Variants in CACNA1I observed in about 807,000 individuals in gnomAD.
The protein encoded by CACNA1I is voltage-dependent T-type calcium channel subunit alpha-1I.
Under a neutral mutation model 201.6 loss-of-function variants are expected in CACNA1I, and 74 were observed. That is an observed-to-expected ratio of 0.37 (90% CI 0.30 to 0.45). CACNA1I has a LOEUF of 0.45. Ranked by LOEUF, CACNA1I falls within the 20% of genes least tolerant of loss-of-function variation. CACNA1I has a pLI of 1.00. For missense variants in CACNA1I, 2,346 were observed against 3,138.1 expected (o/e 0.75, Z 6.03); for synonymous variants, 1,431 against 1,345.2 (o/e 1.06, Z -1.40).
At chr22:39,632,204 C>T (rs1934082458) in intron 4 of CACNA1I, among the ~76,000 whole-genome samples, 1 of 152,178 alleles carries the variant, frequency 6.6e-6, no homozygotes. Flanking sequence ...GCTGCCTTCT[C>T]CAGGCCCTTC....
chr22:39,573,982 T>C (rs1410807189), intron 1 of CACNA1I, among the ~76,000 whole-genome samples: 2 of 152,110 alleles, frequency 1.3e-5, no homozygotes, highest in Non-Finnish European at 2.9e-5. Context: ...GGCATCCCCA[T>C]GGCCAGGGCT....
chr22:39,607,644 A>C (rs1569059648), intron 3 of CACNA1I, among the ~76,000 whole-genome samples: 4 of 152,232 alleles, frequency 2.6e-5, no homozygotes. Flanking sequence ...AATAATTTTC[A>C]TGACAGGTAG....
intron 26 of CACNA1I, 93 bp from the exon 27 acceptor site, chr22:39,672,105 AT>A: frequency 2.7e-6 from 2 of 739,918 alleles, no homozygotes; most frequent in Non-Finnish European, 4.8e-6. Flanking sequence ...AATGGACTAA[AT>A]TCTCTCCTTA....
In CACNA1I at chr22:39,570,930, T is replaced by C; in HGVS notation, c.178T>C (p.Phe60Leu). The C allele has an allele frequency of 6.2e-7, 1 of 1,613,822 alleles. No homozygotes were observed. Among genetic ancestry groups the C allele is most frequent in the Non-Finnish European group, 8.5e-7 (1 of 1,179,870 alleles). Residue 60 changes from phenylalanine (F) to leucine (L), a missense_variant, in exon 1 of 37, where the codon TTC becomes CTC. Around this residue, in one of 13 missense-constraint regions of CACNA1I, gnomAD observed 130 missense variants for 160.7 expected, o/e 0.81. Transcript: ENST00000402142. Reference sequence around the variant, plus strand: ...CCCAGACCTGGCGCCTATTGCCTTCTTCTGCCTGCGACAGACCACCAGCCC... The same window carrying C: ...CCCAGACCTGGCGCCTATTGCCTTCCTCTGCCTGCGACAGACCACCAGCCC... ...PHPDLAPIAF[F>L]CLRQTTSPRN... is the part of the protein sequence containing the mutation.
Position 39,676,511 on chromosome 22 carries a change from C to T in CACNA1I, c.4855-830C>T, listed in dbSNP as rs1935517731. Among the ~76,000 whole-genome samples, 2 of 152,204 alleles carry T rather than the reference C, an allele frequency of 1.3e-5. No homozygotes were observed. The highest frequency in any genetic ancestry group is 2.9e-5 in the Non-Finnish European group (2 of 68,032). On this transcript the variant is annotated intron_variant, in intron 29 of 36. Transcript: ENST00000402142. The surrounding 1 kb of genome is among the most constrained non-coding windows in gnomAD (Gnocchi z 4.8). Reference sequence around the variant, plus strand: ...TTCTAGGGCAAGAATGTGTTTTAGCCTTATCTTATCCATAGCATGAGTTAA... The same window carrying T: ...TTCTAGGGCAAGAATGTGTTTTAGCTTTATCTTATCCATAGCATGAGTTAA...
chr22:39,665,302 T>A lies in CACNA1I; in HGVS notation c.3852-196T>A, dbSNP rs1270909988. On this transcript the variant is annotated intron_variant, in intron 21 of 36. Transcript: ENST00000402142. The surrounding 1 kb of genome is among the most constrained non-coding windows in gnomAD (Gnocchi z 5.5). The stretch of plus-strand genomic sequence containing the variant: ...GGCCTGGGTGCAGCTTGCCTCCTGC[T>A]CTGCCCGTGTCTGGGCTGCCTGGCC... Among the ~76,000 whole-genome samples the A allele has an allele frequency of 2.6e-5, 4 of 152,130 alleles. No individual in the cohort carries two copies. The highest frequency in any genetic ancestry group is 9.7e-5 in the African/African-American group (4 of 41,422).
chr22:39,616,370 C>T (rs1329850070), intron 3 of CACNA1I, among the ~76,000 whole-genome samples: 2 of 152,080 alleles, frequency 1.3e-5, no homozygotes, highest in Non-Finnish European at 2.9e-5. Context: ...CATCGTGGGC[C>T]CCCCCTTTGA....
At position 39,664,849 on chromosome 22, in the gene CACNA1I, G is replaced by A; in HGVS notation, c.3777G>A (p.Leu1259=). 3 of 1,613,142 alleles carry A rather than the reference G, an allele frequency of 1.9e-6. No individual in the cohort carries two copies. Among genetic ancestry groups the A allele is most frequent in the Non-Finnish European group, 2.5e-6 (3 of 1,179,804 alleles). The part of the protein sequence containing the change: ...FVSIIDIVVS[L]ASAGGAKILG... ...CCATCATCGACATCGTGGTGTCCCTGGCCTCAGCCGGGGGAGCCAAGATCT... is the reference window on the plus strand; with the variant it reads ...CCATCATCGACATCGTGGTGTCCCTAGCCTCAGCCGGGGGAGCCAAGATCT... Residue 1259 remains leucine, a synonymous_variant, in exon 21 of 37, where the codon CTG becomes CTA. Transcript: ENST00000402142.
intron 8 of CACNA1I, among the ~76,000 whole-genome samples, chr22:39,647,496 C>T (rs958936187): frequency 6.6e-6 from 1 of 152,242 alleles, no homozygotes; most frequent in African/African-American, 2.4e-5. Context: ...ACTGCAACCT[C>T]AAACTCCTAG....
chr22:39,587,117 T>C (rs1436347196), intron 1 of CACNA1I, among the ~76,000 whole-genome samples: 1 of 152,198 alleles, frequency 6.6e-6, no homozygotes, highest in Non-Finnish European at 1.5e-5. Flanking sequence ...AGCCTCTGTT[T>C]CCTGCCATTG....
At chr22:39,630,119 C>T (rs1460599477) in intron 4 of CACNA1I, among the ~76,000 whole-genome samples, 1 of 152,092 alleles carries the variant, frequency 6.6e-6, no homozygotes, top group African/African-American at 2.4e-5. Flanking sequence ...GAGGGCTGTC[C>T]CCCAGACAGC....
chr22:39,603,016 G>A (rs1420083221), intron 3 of CACNA1I, among the ~76,000 whole-genome samples: 2 of 152,126 alleles, frequency 1.3e-5, no homozygotes, highest in African/African-American at 2.4e-5. Context: ...CCAGGTGTTT[G>A]TGGTGCACTC....
rs994208630 is a variant in CACNA1I at position 39,662,210 on chromosome 22, C to G, written c.3147C>G (p.Arg1049=). The change falls in exon 17 of 37, where the codon CGC becomes CGG. Residue 1049 remains arginine (R), a synonymous_variant. Transcript: ENST00000402142. ...HIHHGPHLAH[R]HRHHRRTLSL... Reference sequence around the variant, plus strand: ...ATCACGGGCCCCATCTGGCGCACCGCCACCGCCACCACCGCCGGACGCTGT... The same window carrying G: ...ATCACGGGCCCCATCTGGCGCACCGGCACCGCCACCACCGCCGGACGCTGT... The G allele has an allele frequency of 1.8e-5, 28 of 1,528,028 alleles. No individual in the cohort carries two copies. Among genetic ancestry groups the G allele is most frequent in the Non-Finnish European group, 2.3e-5 (26 of 1,141,366 alleles). 94.7% of individuals were successfully genotyped at this position (1,528,028 alleles called of 1,614,324 possible).
At chr22:39,596,581 G>A (rs1307674231) in intron 1 of CACNA1I, among the ~76,000 whole-genome samples, 1 of 151,666 alleles carries the variant, frequency 6.6e-6, no homozygotes, top group African/African-American at 2.4e-5. Context: ...GTCAGAGTGG[G>A]GCCCTGCAGG....
intron 1 of CACNA1I, among the ~76,000 whole-genome samples, chr22:39,589,275 C>T (rs751825979): frequency 3.9e-5 from 6 of 152,150 alleles, no homozygotes; most frequent in Non-Finnish European, 5.9e-5. Flanking sequence ...TGTTCTGGGA[C>T]GTGGCTTTTT....
intron 3 of CACNA1I, among the ~76,000 whole-genome samples, chr22:39,603,562 C>CT (rs1330288302): frequency 6.6e-6 from 1 of 151,988 alleles, no homozygotes; most frequent in Non-Finnish European, 1.5e-5. Context: ...TTATGGATGC[C>CT]TGCTCTTGTT....
intron 4 of CACNA1I, among the ~76,000 whole-genome samples, chr22:39,634,277 C>T (rs186939591): frequency 6.6e-6 from 1 of 152,256 alleles, no homozygotes; most frequent in East Asian, 1.9e-4. Flanking sequence ...TGCAAGTACG[C>T]AGAAGAACAC....
intron 19 of CACNA1I, 92 bp from the exon 20 acceptor site, chr22:39,663,999 C>A: frequency 6.6e-7 from 1 of 1,522,550 alleles, no homozygotes; most frequent in South Asian, 1.1e-5. Context: ...GTGGCAGCCT[C>A]TCCTCTACGA....
Position 39,677,971 on chromosome 22 carries a change from T to A in CACNA1I, c.4934-16T>A. On this transcript the variant is annotated splice_polypyrimidine_tract_variant and intron_variant, in intron 30 of 36. Coordinates refer to ENST00000402142, the MANE Select transcript of CACNA1I (RefSeq NM_021096.4). This position sits in a 1 kb window ranked among gnomAD's most constrained non-coding sequence, Gnocchi z 4.8. The stretch of plus-strand genomic sequence containing the variant: ...ACTCCGCCATCGGGCAGGGCTGACC[T>A]CCTCCCCGCTTCCAGTCTGCAACGA... 1.9e-6 allele frequency: 3 copies of A among 1,575,534 alleles called. No homozygotes were observed. The highest frequency in any genetic ancestry group is 2.6e-6 in the Non-Finnish European group (3 of 1,161,546).
Sources: allele counts gnomAD v4.1 joint callset (sites outside exome capture counted in the v4.1 genomes callset), GRCh38; gene constraint gnomAD v4.1.1; regional missense constraint gnomAD v4.1.1; non-coding constraint Gnocchi (gnomAD v3.1); transcripts MANE v1.5; gene names NCBI Gene and HGNC (gene_info 2026-07-23, HGNC 2026-07-21).